The following PPP4R1 variants were observed in gnomAD, a reference collection of about 807,000 sequenced individuals.
PPP4R1 encodes the protein serine/threonine-protein phosphatase 4 regulatory subunit 1.
PPP4R1 carries 42 observed loss-of-function variants against 111.2 expected under a neutral mutation model. The observed-to-expected ratio is 0.38, with a 90% CI of 0.29 to 0.49. The LOEUF is 0.49. Ranked by LOEUF, PPP4R1 falls within the 20% of genes least tolerant of loss-of-function variation. The probability of loss-of-function intolerance (pLI) is 0.97; values close to 1 mark genes in which losing one functional copy is unlikely to be tolerated. For synonymous variants in PPP4R1, 409 were observed against 405.5 expected (o/e 1.01, Z -0.10); for missense variants, 1,012 against 1,161.6 (o/e 0.87, Z 1.87).
chr18:9,567,094 A>C (rs879388526), intron 11 of PPP4R1, among the ~76,000 whole-genome samples: 2 of 152,198 alleles, frequency 1.3e-5, no homozygotes, highest in Admixed American at 6.5e-5. Context: ...GATCTGGACA[A>C]AGTAAACTGA....
intron 15 of PPP4R1, among the ~76,000 whole-genome samples, chr18:9,555,458 T>C (rs1262793726): frequency 2.0e-5 from 3 of 152,284 alleles, no homozygotes; most frequent in South Asian, 4.1e-4. Flanking sequence ...GAAAAAGATA[T>C]TCAGAGTTCT....
intron 14 of PPP4R1, 95 bp downstream of exon 14, chr18:9,559,324 G>T: frequency 1.6e-6 from 2 of 1,222,188 alleles, no homozygotes; most frequent in Non-Finnish European, 2.2e-6. Context: ...CTAAGAACAT[G>T]CTAGAACATG....
intron 12 of PPP4R1, 86 bp downstream of exon 12, chr18:9,563,292 A>G (rs1301331850): frequency 5.7e-6 from 8 of 1,412,558 alleles, no homozygotes; most frequent in African/African-American, 4.3e-5. Context: ...ATACAAACTA[A>G]AAGTGATTAG....
At chr18:9,605,210 T>C (rs971768847) in intron 2 of PPP4R1, among the ~76,000 whole-genome samples, 6 of 152,158 alleles carry the variant, frequency 3.9e-5, no homozygotes, top group African/African-American at 1.2e-4. Context: ...CAGAATGAGT[T>C]ACCTTATAAA....
chr18:9,615,277 A>T (rs961291721), upstream of PPP4R1: 2 of 152,250 alleles, frequency 1.3e-5, no homozygotes, highest in Non-Finnish European at 2.9e-5. Context: ...AAGGCGGGCA[A>T]TCCACCAGCG....
In PPP4R1 at chr18:9,588,177, C is replaced by T. The variant is rs756353503; in HGVS notation, c.497G>A (p.Arg166Gln). ...LALLEQELIE[R>Q]FDVETKVCPV... ...GCACACTTTGGTCTCCACATCAAAT[C>T]GTTCAATGAGCTCCTGCTCCAACAG... Residue 166 changes from arginine (R) to glutamine (Q), a missense_variant, in exon 6 of 20, where the codon CGA becomes CAA. By Grantham distance (43) the Arg-to-Gln change is conservative. Transcript: ENST00000400556. The T allele has an allele frequency of 2.0e-5, 33 of 1,614,040 alleles. No homozygotes were observed. Among genetic ancestry groups the T allele is most frequent in the Non-Finnish European group, 2.8e-5 (33 of 1,180,018 alleles).
chr18:9,583,112 C>A lies in PPP4R1; in HGVS notation c.918+5G>T. 6.3e-7 allele frequency: 1 copy of A among 1,599,252 alleles called. No individual in the cohort carries two copies. Among genetic ancestry groups the A allele is most frequent in the Non-Finnish European group, 8.5e-7 (1 of 1,170,488 alleles). On this transcript the variant is annotated splice_donor_5th_base_variant and intron_variant, in intron 9 of 19. Transcript: ENST00000400556. ...ATTTTACAAAAGTGATAATCAAAAC[C>A]CTACCCAACGTGAAGGATCACTGAT...
At chr18:9,594,961 T>A in intron 3 of PPP4R1, 57 bp downstream of exon 3, 2 of 1,577,484 alleles carry the variant, frequency 1.3e-6, no homozygotes, top group Non-Finnish European at 1.7e-6. Context: ...TTTTCCCTAC[T>A]GAAGTTAATA....
intron 11 of PPP4R1, among the ~76,000 whole-genome samples, chr18:9,567,566 TG>T (rs1296722155): frequency 2.0e-5 from 3 of 152,138 alleles, no homozygotes; most frequent in Middle Eastern, 3.2e-3. Context: ...GCAAAGAAAG[TG>T]GTTTCTCAAG....
chr18:9,606,361 A>G (rs1298478654), intron 2 of PPP4R1, among the ~76,000 whole-genome samples: 4 of 152,180 alleles, frequency 2.6e-5, no homozygotes, highest in African/African-American at 9.7e-5. Context: ...CTGTATTGTC[A>G]TGGCTGCTTT....
Position 9,548,422 on chromosome 18 carries a change from T to A in PPP4R1, c.2690-470A>T, listed in dbSNP as rs530418244. On this transcript the variant is annotated intron_variant, in intron 19 of 19. Coordinates refer to ENST00000400556, the MANE Select transcript of PPP4R1 (RefSeq NM_001042388.3). ...GGCGGCAGGCGGCGGGGGGGTCGAT[T>A]AAAATAAATAAACCACCTTTAATCT... Among the ~76,000 whole-genome samples the A allele has an allele frequency of 5.3e-5, 8 of 152,206 alleles. No individual in the cohort carries two copies. The South Asian group carries it at 1.7e-3, about 32-fold the overall frequency.
Position 9,583,102 on chromosome 18 carries a change from T to C in PPP4R1, c.918+15A>G. 1.3e-6 allele frequency: 2 copies of C among 1,583,274 alleles called. No individual in the cohort carries two copies. The highest frequency in any genetic ancestry group is 1.7e-6 in the Non-Finnish European group (2 of 1,160,554). On this transcript the variant is annotated intron_variant, in intron 9 of 19. Coordinates refer to ENST00000400556, the MANE Select transcript of PPP4R1 (RefSeq NM_001042388.3). ...CAAATGTATTATTTTACAAAAGTGATAATCAAAACCCTACCCAACGTGAAG... is the reference window on the plus strand; with the variant it reads ...CAAATGTATTATTTTACAAAAGTGACAATCAAAACCCTACCCAACGTGAAG...
intron 9 of PPP4R1, among the ~76,000 whole-genome samples, chr18:9,582,173 C>G (rs780820152): frequency 3.3e-5 from 5 of 151,510 alleles, no homozygotes; most frequent in Non-Finnish European, 7.4e-5. Flanking sequence ...TAAAAGCAAG[C>G]AGAAGGGAGA....
At position 9,571,616 on chromosome 18, in the gene PPP4R1, G is replaced by A. The variant is rs1016913601; in HGVS notation, c.1047-933C>T. Among the ~76,000 whole-genome samples the A allele has an allele frequency of 3.3e-5, 5 of 152,146 alleles. No individual in the cohort carries two copies. In the South Asian group the frequency reaches 6.2e-4, roughly 19 times the overall value. ...GAACACAGGAGGAGATGGGAGTGAA[G>A]ATTAAAAGGCCTTCAAGGAAATGAC... is the stretch of plus-strand genomic sequence containing the variant. On this transcript the variant is annotated intron_variant, in intron 10 of 19. Transcript: ENST00000400556.
In PPP4R1 at chr18:9,556,526, T is replaced by C. The variant is rs117115732; in HGVS notation, c.2190+695A>G. ...TTTTAAAAGGGAGGACTACAATTAC[T>C]TCTATCACTCAAGCCTTAGAATTAC... is the stretch of plus-strand genomic sequence containing the variant. On this transcript the variant is annotated intron_variant, in intron 15 of 19. Coordinates refer to ENST00000400556, the MANE Select transcript of PPP4R1 (RefSeq NM_001042388.3). Among the ~76,000 whole-genome samples, 760 of 152,256 alleles carry C rather than the reference T, an allele frequency of 5.0e-3. 4 individuals carry two copies. Among genetic ancestry groups the C allele is most frequent in the Non-Finnish European group, 8.5e-3 (579 of 68,026 alleles).
At chr18:9,571,100 C>T (rs745735465) in intron 10 of PPP4R1, among the ~76,000 whole-genome samples, 7 of 152,138 alleles carry the variant, frequency 4.6e-5, no homozygotes, top group Non-Finnish European at 1.0e-4. Context: ...ACTCCAACGA[C>T]ATATTGCAAA....
intron 4 of PPP4R1, among the ~76,000 whole-genome samples, chr18:9,592,053 G>C (rs2067220262): frequency 6.6e-6 from 1 of 152,194 alleles, no homozygotes; most frequent in African/African-American, 2.4e-5. Context: ...TTGGGCAACA[G>C]AGCGAGACTC....
intron 14 of PPP4R1, among the ~76,000 whole-genome samples, 172 bp from the exon 15 acceptor site, chr18:9,557,554 G>C (rs2066607329): frequency 1.3e-5 from 2 of 152,296 alleles, no homozygotes; most frequent in South Asian, 4.1e-4. Flanking sequence ...AAGTGTAACA[G>C]AAACATTTTA....
chr18:9,557,162 A>C (rs1448097607), intron 15 of PPP4R1, 59 bp downstream of exon 15: 13 of 1,452,304 alleles, frequency 9.0e-6, no homozygotes, highest in Admixed American at 2.4e-5. Flanking sequence ...GCAGAAGATA[A>C]AGATTTAGAT....
Sources: gnomAD v4.1 joint callset for allele counts (sites outside exome capture counted in the v4.1 genomes callset) on GRCh38, gnomAD v4.1.1 for gene constraint, MANE v1.5 for transcripts, NCBI Gene and HGNC (gene_info 2026-07-23, HGNC 2026-07-21) for gene names.